Variants in PDSS1 observed in about 807,000 individuals in gnomAD.
The protein encoded by PDSS1 is all trans-polyprenyl-diphosphate synthase PDSS1.
Under a neutral mutation model 57.5 loss-of-function variants are expected in PDSS1, and 43 were observed. That is an observed-to-expected ratio of 0.75 (90% CI 0.59 to 0.96). PDSS1 has a LOEUF of 0.96. PDSS1 is among the 50% of genes least tolerant of loss of function. PDSS1 has a pLI of 0.00. For missense variants in PDSS1, 438 were observed against 527.8 expected, an observed-to-expected ratio of 0.83 and a Z score of 1.67; for synonymous variants, 175 against 191.3, an observed-to-expected ratio of 0.91 and a Z score of 0.70.
rs543261615 is a variant in PDSS1 at position 26,740,559 on chromosome 10, C to T, written c.1027-1938C>T. 3.7e-3 allele frequency: 1,682 copies of T among 448,582 alleles called. 37 individuals carry two copies. Among genetic ancestry groups the T allele is most frequent in the South Asian group, 0.025 (1,594 of 64,056 alleles). The allele number at this position is 448,582 out of a possible 1,614,324, so 27.8% of individuals were successfully genotyped here. Reference sequence around the variant, plus strand: ...TTCTTTGTCTGTGATCACTTGGCTGCGGCTTTTCTATGTATGCCCTATTTT... The same window carrying T: ...TTCTTTGTCTGTGATCACTTGGCTGTGGCTTTTCTATGTATGCCCTATTTT... On this transcript the variant is annotated intron_variant, in intron 10 of 11. Coordinates refer to ENST00000376215, the MANE Select transcript of PDSS1 (RefSeq NM_014317.5).
intron 8 of PDSS1, among the ~76,000 whole-genome samples, chr10:26,726,199 C>G (rs1329127113): frequency 6.6e-6 from 1 of 152,176 alleles, no homozygotes; most frequent in South Asian, 2.1e-4. Context: ...AAGATATGCA[C>G]CTCATTCTTC....
chr10:26,699,345 A>G (rs1413445697), intron 1 of PDSS1, among the ~76,000 whole-genome samples: 1 of 151,688 alleles, frequency 6.6e-6, no homozygotes, highest in Admixed American at 6.6e-5. Context: ...CAGTATTTGA[A>G]GAGATGGGTG....
chr10:26,726,921 G>T (rs1835969246), intron 8 of PDSS1, among the ~76,000 whole-genome samples: 1 of 152,018 alleles, frequency 6.6e-6, no homozygotes, highest in South Asian at 2.1e-4. Context: ...AATTAGCCGG[G>T]CGTGGTGGTG....
intron 5 of PDSS1, among the ~76,000 whole-genome samples, chr10:26,713,271 A>G (rs1835454959): frequency 6.6e-6 from 1 of 151,542 alleles, no homozygotes; most frequent in Non-Finnish European, 1.5e-5. Flanking sequence ...CATCCTGGGA[A>G]CAGAGCAAGA....
intron 2 of PDSS1, among the ~76,000 whole-genome samples, chr10:26,702,436 G>T (rs529549797): frequency 2.0e-4 from 31 of 152,246 alleles, no homozygotes; most frequent in Middle Eastern, 6.8e-3. Context: ...CCCCCATGCT[G>T]TTCTTGTTAT....
chr10:26,705,806 G>A (rs1243894638), intron 4 of PDSS1, among the ~76,000 whole-genome samples: 5 of 152,186 alleles, frequency 3.3e-5, no homozygotes, highest in Non-Finnish European at 7.3e-5. Context: ...CTTGATTGAC[G>A]TATGGTCAAG....
rs1836658815 is a variant in PDSS1, at chr10:26,742,492, G to GT, written c.1027-3dup. On this transcript the variant is annotated splice_polypyrimidine_tract_variant and splice_region_variant and intron_variant, in intron 10 of 11. Transcript: ENST00000376215. Reference sequence around the variant, plus strand: ...TTTCTCAGATTTTCTCTCTTTTTTTGTTAGTTCCCAGAAATGAATGCTATG... The same window carrying GT: ...TTTCTCAGATTTTCTCTCTTTTTTTGTTTAGTTCCCAGAAATGAATGCTATG... 1.2e-6 allele frequency: 2 copies of GT among 1,604,118 alleles called. No homozygotes were observed. Among genetic ancestry groups the GT allele is most frequent in the East Asian group, 4.5e-5 (2 of 44,816 alleles).
intron 10 of PDSS1, among the ~76,000 whole-genome samples, chr10:26,742,020 C>T (rs1836631750): frequency 6.6e-6 from 1 of 152,270 alleles, no homozygotes. Context: ...GGATTACAGG[C>T]GTGCACCATC....
At chr10:26,704,437 G>C (rs1448551141) in intron 2 of PDSS1, among the ~76,000 whole-genome samples, 1 of 152,092 alleles carries the variant, frequency 6.6e-6, no homozygotes, top group Non-Finnish European at 1.5e-5. Flanking sequence ...TTTCTTTGGG[G>C]GAAGGGATGG....
chr10:26,721,602 A>G (rs994242960), intron 6 of PDSS1, among the ~76,000 whole-genome samples: 17 of 152,194 alleles, frequency 1.1e-4, no homozygotes, highest in African/African-American at 3.4e-4. Context: ...TAAATTCTGT[A>G]CATCAGAATG....
intron 10 of PDSS1, among the ~76,000 whole-genome samples, chr10:26,741,474 A>T (rs1214958387): frequency 7.9e-5 from 12 of 152,084 alleles, no homozygotes; most frequent in African/African-American, 2.4e-4. Flanking sequence ...TGATGGAGCA[A>T]GACTCCATCA....
At position 26,742,586 on chromosome 10, in the gene PDSS1, G is replaced by GT. The variant is rs763763157; in HGVS notation, c.1107+16dup. On this transcript the variant is annotated intron_variant, in intron 11 of 11. Transcript: ENST00000376215. ...GACAGTATGTACTACAGGTAAGACT[G>GT]TTTTTTTAAAAAAAAGGCAGCAGCA... is the stretch of plus-strand genomic sequence containing the variant. The GT allele has an allele frequency of 2.5e-5, 39 of 1,577,134 alleles. No homozygotes were observed. The highest frequency in any genetic ancestry group is 1.2e-4 in the African/African-American group (9 of 74,292).
At chr10:26,719,294 C>T (rs1045537534) in intron 5 of PDSS1, among the ~76,000 whole-genome samples, 3 of 152,098 alleles carry the variant, frequency 2.0e-5, no homozygotes, top group Non-Finnish European at 4.4e-5. Context: ...GGGGACATTC[C>T]CTCTGAACTG....
intron 6 of PDSS1, among the ~76,000 whole-genome samples, chr10:26,721,314 A>G (rs1392600003): frequency 6.8e-6 from 1 of 147,482 alleles, no homozygotes; most frequent in East Asian, 2.0e-4. Context: ...AAAAAAAAAA[A>G]GTTTGTGCAA....
At chr10:26,722,160 G>A (rs1385559218) in intron 6 of PDSS1, among the ~76,000 whole-genome samples, 2 of 152,194 alleles carry the variant, frequency 1.3e-5, no homozygotes, top group African/African-American at 4.8e-5. Flanking sequence ...GCCTTGAGCT[G>A]CTAATGATGT....
At chr10:26,702,536 G>A (rs1835083707) in intron 2 of PDSS1, among the ~76,000 whole-genome samples, 1 of 152,162 alleles carries the variant, frequency 6.6e-6, no homozygotes, top group Non-Finnish European at 1.5e-5. Context: ...TGAAGAAGGT[G>A]CCTTGCTTTC....
intron 11 of PDSS1, among the ~76,000 whole-genome samples, chr10:26,744,473 C>G (rs1483486558): frequency 1.3e-5 from 2 of 152,140 alleles, no homozygotes; most frequent in East Asian, 3.9e-4. Flanking sequence ...TCACTGCAAC[C>G]TCCGCCTCCC....
intron 10 of PDSS1, among the ~76,000 whole-genome samples, chr10:26,740,139 C>T (rs1836537885): frequency 7.6e-6 from 1 of 130,826 alleles, no homozygotes; most frequent in African/African-American, 3.2e-5. Flanking sequence ...GAAACTCCAT[C>T]TCAAAAAAAA....
rs868687832 is a variant in PDSS1, at chr10:26,711,825, G to A, written c.467+2057G>A. ...CCATGGTCCCACGCAGCGCAGATTCGCCCCTGGTTGAGAATCACTGGTCTA... is the reference window on the plus strand; with the variant it reads ...CCATGGTCCCACGCAGCGCAGATTCACCCCTGGTTGAGAATCACTGGTCTA... On this transcript the variant is annotated intron_variant, in intron 5 of 11. Coordinates refer to ENST00000376215, the MANE Select transcript of PDSS1 (RefSeq NM_014317.5). Among the ~76,000 whole-genome samples the A allele has an allele frequency of 3.2e-5, 3 of 94,250 alleles. 1 individual carries two copies. Among genetic ancestry groups the A allele is most frequent in the South Asian group, 2.8e-4 (1 of 3,534 alleles). 61.8% of individuals were successfully genotyped at this position (94,250 alleles called of 152,430 possible). A position where few individuals can be genotyped will look rare whatever the true frequency, so the allele number is the denominator to read the frequency against.
Sources: gnomAD v4.1 joint callset for allele counts (sites outside exome capture counted in the v4.1 genomes callset) on GRCh38, gnomAD v4.1.1 for gene constraint, MANE v1.5 for transcripts, NCBI Gene and HGNC (gene_info 2026-07-23, HGNC 2026-07-21) for gene names.